The following DOK6 variants were observed in gnomAD, a reference collection of about 807,000 sequenced individuals.
DOK6 encodes the protein downstream of tyrosine kinase 6.
A neutral mutation model predicts 44.0 loss-of-function variants in DOK6; 22 were observed. The observed-to-expected ratio is 0.50, with a 90% confidence interval of 0.36 to 0.71. The LOEUF (loss-of-function observed/expected upper bound fraction) is 0.71, where lower values mean the gene tolerates loss of function less well. Among genes scored for constraint, DOK6 ranks in the 30% least tolerant of loss-of-function variants. DOK6 has a pLI of 0.00. For missense variants in DOK6, 340 were observed against 416.4 expected, an observed-to-expected ratio of 0.82 and a Z score of 1.60; for synonymous variants, 166 against 145.5, an observed-to-expected ratio of 1.14 and a Z score of -1.01.
At chr18:69,805,458 C>T (rs1981027923) in intron 7 of DOK6, among the ~76,000 whole-genome samples, 1 of 152,006 alleles carries the variant, frequency 6.6e-6, no homozygotes, top group African/African-American at 2.4e-5. Context: ...TACATGTAAT[C>T]CTTTTTAAAA....
At chr18:69,433,660 T>C (rs181948534) in intron 1 of DOK6, among the ~76,000 whole-genome samples, 1 of 152,112 alleles carries the variant, frequency 6.6e-6, no homozygotes, top group East Asian at 1.9e-4. Flanking sequence ...GTGTCATCTG[T>C]ATATATTGAA....
At chr18:69,832,210 T>C (rs1313609517) in intron 7 of DOK6, among the ~76,000 whole-genome samples, 1 of 152,196 alleles carries the variant, frequency 6.6e-6, no homozygotes, top group Non-Finnish European at 1.5e-5. Context: ...GTTCCCTCTA[T>C]ACCCAATTCT....
At chr18:69,429,661 AT>A (rs1978748915) in intron 1 of DOK6, among the ~76,000 whole-genome samples, 1 of 103,128 alleles carries the variant, frequency 9.7e-6, no homozygotes, top group Non-Finnish European at 2.0e-5. Context: ...ATATATATAT[AT>A]ATCTTATTAA....
chr18:69,669,493 C>A (rs1043756399), intron 3 of DOK6, among the ~76,000 whole-genome samples: 35 of 152,314 alleles, frequency 2.3e-4, no homozygotes, highest in African/African-American at 8.2e-4. Flanking sequence ...GGAAGACTTG[C>A]TCCTCTAAAC....
At chr18:69,818,578 G>C (rs191332307) in intron 7 of DOK6, among the ~76,000 whole-genome samples, 6 of 152,226 alleles carry the variant, frequency 3.9e-5, no homozygotes, top group South Asian at 2.1e-4. Flanking sequence ...ATAGAATCAG[G>C]CTCGCCCAAA....
chr18:69,654,677 A>G (rs1210492350), intron 3 of DOK6, among the ~76,000 whole-genome samples: 2 of 152,250 alleles, frequency 1.3e-5, no homozygotes, highest in African/African-American at 4.8e-5. Flanking sequence ...CCAAGCTAAT[A>G]TTAAACTCAA....
chr18:69,792,770 A>G (rs1032035061), intron 7 of DOK6, among the ~76,000 whole-genome samples: 3 of 152,108 alleles, frequency 2.0e-5, no homozygotes, highest in Non-Finnish European at 4.4e-5. Context: ...AATAAGAACA[A>G]TAAGTCCTTT....
chr18:69,730,447 A>G (rs1318212626), intron 5 of DOK6, among the ~76,000 whole-genome samples: 1 of 152,224 alleles, frequency 6.6e-6, no homozygotes, highest in Non-Finnish European at 1.5e-5. Context: ...TATGAACTAT[A>G]ATGAGACTAA....
chr18:69,774,616 A>C (rs528849515), intron 7 of DOK6, among the ~76,000 whole-genome samples: 52 of 152,168 alleles, frequency 3.4e-4, no homozygotes, highest in African/African-American at 1.2e-3. Flanking sequence ...TAACTTAGTC[A>C]CAAGTGCAGA....
intron 7 of DOK6, among the ~76,000 whole-genome samples, chr18:69,839,275 A>C (rs866261819): frequency 3.2e-5 from 4 of 124,676 alleles, no homozygotes; most frequent in African/African-American, 1.3e-4. Flanking sequence ...CCCCTCCCCT[A>C]ACTCCTCCCT....
At chr18:69,568,538 C>T (rs1983040626) in intron 2 of DOK6, among the ~76,000 whole-genome samples, 1 of 152,192 alleles carries the variant, frequency 6.6e-6, no homozygotes, top group Non-Finnish European at 1.5e-5. Context: ...CAGATGTAGT[C>T]ACACCAAAGC....
At chr18:69,782,237 T>C (rs571026021) in intron 7 of DOK6, among the ~76,000 whole-genome samples, 185 of 142,604 alleles carry the variant, frequency 1.3e-3, no homozygotes, top group Non-Finnish European at 2.4e-3. Flanking sequence ...TTTGAGATGG[T>C]GTCTCGCTCT....
intron 5 of DOK6, among the ~76,000 whole-genome samples, chr18:69,735,118 T>G (rs1978560350): frequency 6.6e-6 from 1 of 152,224 alleles, no homozygotes; most frequent in Non-Finnish European, 1.5e-5. Flanking sequence ...TGGTTATTTT[T>G]TATTTGTTAG....
intron 4 of DOK6, among the ~76,000 whole-genome samples, chr18:69,683,045 C>T (rs1986077112): frequency 6.6e-6 from 1 of 152,094 alleles, no homozygotes; most frequent in African/African-American, 2.4e-5. Context: ...CAATATCTTA[C>T]TAAGGATCTG....
intron 1 of DOK6, among the ~76,000 whole-genome samples, chr18:69,432,573 A>G (rs1978838311): frequency 6.6e-6 from 1 of 152,214 alleles, no homozygotes; most frequent in Admixed American, 6.5e-5. Flanking sequence ...TTTTGAGAGA[A>G]GAGAGGGAAT....
At chr18:69,828,331 T>C (rs1338592399) in intron 7 of DOK6, among the ~76,000 whole-genome samples, 1 of 151,894 alleles carries the variant, frequency 6.6e-6, no homozygotes, top group Non-Finnish European at 1.5e-5. Context: ...CATTTACCAT[T>C]TTACTGGCTG....
intron 1 of DOK6, among the ~76,000 whole-genome samples, chr18:69,421,655 T>G (rs547261010): frequency 6.6e-6 from 1 of 152,320 alleles, no homozygotes; most frequent in Non-Finnish European, 1.5e-5. Flanking sequence ...TGGGGACGAC[T>G]TCTTTTTTTG....
chr18:69,517,621 G>C (rs996430037), intron 1 of DOK6, among the ~76,000 whole-genome samples: 3 of 151,174 alleles, frequency 2.0e-5, no homozygotes, highest in Middle Eastern at 3.2e-3. Context: ...ATTACTTTCA[G>C]TTTTAACTTA....
intron 3 of DOK6, among the ~76,000 whole-genome samples, chr18:69,636,354 C>T (rs1197254606): frequency 6.6e-6 from 1 of 152,158 alleles, no homozygotes; most frequent in African/African-American, 2.4e-5. Context: ...GGACAAGTGG[C>T]ACAGACCCCC....
Sources: gnomAD v4.1 joint callset for allele counts (sites outside exome capture counted in the v4.1 genomes callset) on GRCh38, gnomAD v4.1.1 for gene constraint, MANE v1.5 for transcripts, NCBI Gene and HGNC (gene_info 2026-07-23, HGNC 2026-07-21) for gene names.